B4GALNT4: variants seen among roughly 807,000 people sequenced by gnomAD.
The protein encoded by B4GALNT4 is N-acetyl-beta-glucosaminyl-glycoprotein 4-beta-N-acetylgalactosaminyltransferase 1.
B4GALNT4 carries 77 observed loss-of-function variants against 110.0 expected under a neutral mutation model. That is an observed-to-expected ratio of 0.70 (90% CI 0.58 to 0.85). The LOEUF (loss-of-function observed/expected upper bound fraction) is 0.85. B4GALNT4 is among the 40% of genes least tolerant of loss of function. The pLI is 0.00. For synonymous variants in B4GALNT4, 785 were observed against 655.5 expected, an observed-to-expected ratio of 1.20 and a Z score of -3.02; for missense variants, 1,575 against 1,506.0, an observed-to-expected ratio of 1.05 and a Z score of -0.76.
Position 377,079 on chromosome 11 carries a change from T to C in B4GALNT4, c.1956T>C (p.Asp652=). ...EGEEEEEGED[D]GAPGDEAASE... ...AAGAGGAGGAGGAAGGGGAGGACGA[T>C]GGGGCCCCGGGCGACGAGGCCGCGT... Residue 652 remains aspartate, a synonymous_variant, in exon 14 of 20, where the codon GAT becomes GAC. Transcript: ENST00000329962. The C allele has an allele frequency of 6.9e-7, 1 of 1,446,294 alleles. No individual in the cohort carries two copies. Among genetic ancestry groups the C allele is most frequent in the Non-Finnish European group, 9.1e-7 (1 of 1,099,732 alleles). The allele number at this position is 1,446,294 out of a possible 1,614,324, so 89.6% of individuals were successfully genotyped here. A position where few individuals can be genotyped will look rare whatever the true frequency, so the allele number is the denominator to read the frequency against.
rs1352114033 is a variant in B4GALNT4, at chr11:369,703, G to C, written c.-101G>C. On this transcript the variant is annotated 5_prime_UTR_variant, in exon 1 of 20. An upstream open reading frame in the 5' UTR loses its in-frame stop. Coordinates refer to ENST00000329962, the MANE Select transcript of B4GALNT4 (RefSeq NM_178537.5). Reference sequence around the variant, plus strand: ...AGGACCATGCGGGGCCGCGGGCGCTGAGCGCGGCGGGGCGGGCCGGGGATG... The same window carrying C: ...AGGACCATGCGGGGCCGCGGGCGCTCAGCGCGGCGGGGCGGGCCGGGGATG... 9 of 594,400 alleles carry C rather than the reference G, an allele frequency of 1.5e-5. No individual in the cohort carries two copies. The highest frequency in any genetic ancestry group is 1.9e-5 in the Non-Finnish European group (9 of 476,586). The allele number at this position is 594,400 out of a possible 1,614,324, so 36.8% of individuals were successfully genotyped here. A position where few individuals can be genotyped will look rare whatever the true frequency, so the allele number is the denominator to read the frequency against.
chr11:372,457 A>G (rs7480716), intron 2 of B4GALNT4, among the ~76,000 whole-genome samples: 76,819 of 151,436 alleles, frequency 0.51, 20,166 homozygotes, highest in African/African-American at 0.64. Flanking sequence ...TGGGGTGGCC[A>G]AGCATCTGCT....
At chr11:373,686 C>G (rs1846666961) in intron 7 of B4GALNT4, 64 bp from the exon 8 acceptor site, 1 of 1,576,008 alleles carries the variant, frequency 6.3e-7, no homozygotes, top group South Asian at 1.1e-5. Context: ...CACCTGCCCC[C>G]TTCCCTGCCT....
At chr11:370,226 G>A (rs543523043) in intron 1 of B4GALNT4, among the ~76,000 whole-genome samples, 6 of 152,182 alleles carry the variant, frequency 3.9e-5, no homozygotes, top group African/African-American at 1.2e-4. Context: ...CCCTCCCAGA[G>A]AGGGTCCCTG....
chr11:375,984 C>T (rs201246400), intron 11 of B4GALNT4, 28 bp downstream of exon 11: 16 of 1,606,312 alleles, frequency 1.0e-5, no homozygotes, highest in South Asian at 3.3e-5. Context: ...CCCCGTCTCC[C>T]GTCCGGGACT....
chr11:380,568 G>C lies in B4GALNT4; in HGVS notation c.2869+123G>C, dbSNP rs1246881650. On this transcript the variant is annotated intron_variant, in intron 18 of 19. Coordinates refer to ENST00000329962, the MANE Select transcript of B4GALNT4 (RefSeq NM_178537.5). ...GCCTGGGAGTCCATCAGTGCTCCCCGTAGTGCCCAGAGCCCCAGTCCCCCC... is the reference window on the plus strand; with the variant it reads ...GCCTGGGAGTCCATCAGTGCTCCCCCTAGTGCCCAGAGCCCCAGTCCCCCC... 3.6e-6 allele frequency: 5 copies of C among 1,392,902 alleles called. No homozygotes were observed. The East Asian group carries it at 1.2e-4, about 35-fold the overall frequency. 86.3% of individuals were successfully genotyped at this position (1,392,902 alleles called of 1,614,324 possible). A position where few individuals can be genotyped will look rare whatever the true frequency, so the allele number is the denominator to read the frequency against.
intron 1 of B4GALNT4, among the ~76,000 whole-genome samples, chr11:370,156 G>C (rs1487181941): frequency 6.6e-6 from 1 of 151,702 alleles, no homozygotes; most frequent in Non-Finnish European, 1.5e-5. Flanking sequence ...CGATTTGGGG[G>C]GAGGGGGCGC....
Position 379,680 on chromosome 11 carries a change from A to T in B4GALNT4, c.2467A>T (p.Met823Leu), listed in dbSNP as rs764867289. ...GCGCCTGGCCTGGCGCCAGGACGTG[A>T]TGGTTCACTTCATCGTGCCAGGTTC... is the stretch of plus-strand genomic sequence containing the variant. ...PLRLAWRQDV[M>L]VHFIVPVKNQ... Residue 823 changes from methionine to leucine, a missense_variant, in exon 15 of 20, where the codon ATG becomes TTG. Physicochemically the swap from Met to Leu is conservative, Grantham distance 15. Coordinates refer to ENST00000329962, the MANE Select transcript of B4GALNT4 (RefSeq NM_178537.5). 3 of 1,502,456 alleles carry T rather than the reference A, an allele frequency of 2.0e-6. No individual in the cohort carries two copies. Among genetic ancestry groups the T allele is most frequent in the African/African-American group, 2.8e-5 (2 of 70,730 alleles). The allele number at this position is 1,502,456 out of a possible 1,614,324, so 93.1% of individuals were successfully genotyped here.
intron 2 of B4GALNT4, 50 bp from the exon 3 acceptor site, chr11:372,612 C>A: frequency 6.8e-7 from 1 of 1,473,794 alleles, no homozygotes; most frequent in Non-Finnish European, 9.4e-7. Context: ...TGTGTGTGAC[C>A]TCCTCCCTGC....
At chr11:371,102 A>G (rs1846611211) in intron 1 of B4GALNT4, among the ~76,000 whole-genome samples, 1 of 152,170 alleles carries the variant, frequency 6.6e-6, no homozygotes, top group South Asian at 2.1e-4. Flanking sequence ...GCAGGGGTCT[A>G]AGCCCAACCA....
chr11:381,951 C>G lies in B4GALNT4; in HGVS notation c.*159C>G. 2.3e-6 allele frequency: 2 copies of G among 851,826 alleles called. No homozygotes were observed. Among genetic ancestry groups the G allele is most frequent in the Non-Finnish European group, 3.3e-6 (2 of 608,580 alleles). 52.8% of individuals were successfully genotyped at this position (851,826 alleles called of 1,614,324 possible). ...GGCCCACTGGGCGTCGTGCCCCTCC[C>G]CGGAGAGGCAGCCTTCACGGCGGGT... On this transcript the variant is annotated 3_prime_UTR_variant, in exon 20 of 20. Transcript: ENST00000329962.
chr11:379,383 A>G, intron 14 of B4GALNT4, 35 bp from the exon 15 acceptor site: 1 of 1,440,302 alleles, frequency 6.9e-7, no homozygotes, highest in South Asian at 1.4e-5. Flanking sequence ...TGCAGGCTGG[A>G]AGCCCCAGTA....
intron 14 of B4GALNT4, 64 bp downstream of exon 14, chr11:377,391 G>T: frequency 7.0e-7 from 1 of 1,422,440 alleles, no homozygotes; most frequent in Non-Finnish European, 9.2e-7. Context: ...GGGAGAGGAG[G>T]TCCTGGCCTT....
At chr11:371,482 G>A (rs1395838738) in intron 1 of B4GALNT4, among the ~76,000 whole-genome samples, 1 of 152,180 alleles carries the variant, frequency 6.6e-6, no homozygotes, top group African/African-American at 2.4e-5. Flanking sequence ...CATCTGTAGG[G>A]ATGCTTCTCT....
rs1418614664 is a variant in B4GALNT4, at chr11:369,639, G to A, written c.-165G>A. Among the ~76,000 whole-genome samples, 1 of 144,406 alleles carries A rather than the reference G, an allele frequency of 6.9e-6. No individual in the cohort carries two copies. Among genetic ancestry groups the A allele is most frequent in the African/African-American group, 2.5e-5 (1 of 40,252 alleles). The allele number at this position is 144,406 out of a possible 152,430, so 94.7% of individuals were successfully genotyped here. A position where few individuals can be genotyped will look rare whatever the true frequency, so the allele number is the denominator to read the frequency against. On this transcript the variant is annotated 5_prime_UTR_variant, in exon 1 of 20. Coordinates refer to ENST00000329962, the MANE Select transcript of B4GALNT4 (RefSeq NM_178537.5). ...GCCCGCGGCCGAGGGCGGCCTGGGG[G>A]GGTCGCGGCCGCACCCGGTGGCCGC...
chr11:375,319 C>T (rs1190960584), intron 8 of B4GALNT4, 142 bp from the exon 9 acceptor site: 2 of 876,890 alleles, frequency 2.3e-6, no homozygotes, highest in Non-Finnish European at 3.7e-6. Flanking sequence ...TTGGAACGCC[C>T]CGGACCCCTC....
chr11:371,456 C>A (rs968686684), intron 1 of B4GALNT4, among the ~76,000 whole-genome samples: 1 of 152,176 alleles, frequency 6.6e-6, no homozygotes, highest in Non-Finnish European at 1.5e-5. Flanking sequence ...GGGGGTTCCA[C>A]GCCCTGGGAT....
chr11:372,449 G>A (rs1288703384), intron 2 of B4GALNT4, among the ~76,000 whole-genome samples: 1 of 152,022 alleles, frequency 6.6e-6, no homozygotes, highest in Non-Finnish European at 1.5e-5. Context: ...TCAGTGTGTG[G>A]GGTGGCCAAG....
At chr11:380,778 T>C (rs754033443) in intron 18 of B4GALNT4, 47 bp from the exon 19 acceptor site, 3 of 1,613,238 alleles carry the variant, frequency 1.9e-6, no homozygotes, top group Non-Finnish European at 1.7e-6. Flanking sequence ...GGGGGGACCT[T>C]GCAGGACCTG....
Sources: allele counts gnomAD v4.1 joint callset (sites outside exome capture counted in the v4.1 genomes callset), GRCh38; gene constraint gnomAD v4.1.1; transcripts MANE v1.5; gene names NCBI Gene and HGNC (gene_info 2026-07-23, HGNC 2026-07-21).